The following PDE5A variants were observed in gnomAD, a reference collection of about 807,000 sequenced individuals.
PDE5A encodes cGMP-specific 3',5'-cyclic phosphodiesterase.
Under a neutral mutation model 110.2 loss-of-function variants are expected in PDE5A, and 67 were observed. The observed-to-expected ratio is 0.61, with a 90% CI of 0.50 to 0.75. The LOEUF is 0.75. Ranked by LOEUF, PDE5A falls within the 30% of genes least tolerant of loss-of-function variation. PDE5A has a pLI of 0.00. For synonymous variants in PDE5A, 328 were observed against 351.2 expected, an observed-to-expected ratio of 0.93 and a Z score of 0.74; for missense variants, 862 against 1,045.1, an observed-to-expected ratio of 0.82 and a Z score of 2.42.
intron 8 of PDE5A, among the ~76,000 whole-genome samples, chr4:119,553,095 T>C (rs1371052829): frequency 6.6e-6 from 1 of 151,962 alleles, no homozygotes; most frequent in African/African-American, 2.4e-5. Context: ...AACACCCAAA[T>C]AACAAAATCA....
intron 12 of PDE5A, among the ~76,000 whole-genome samples, chr4:119,524,791 A>G (rs577979471): frequency 3.9e-5 from 6 of 152,240 alleles, no homozygotes; most frequent in Admixed American, 2.0e-4. Flanking sequence ...TTTTTTTTAA[A>G]TAGTCCTTTC....
chr4:119,511,474 T>A (rs1412097375), intron 14 of PDE5A, among the ~76,000 whole-genome samples: 1 of 152,172 alleles, frequency 6.6e-6, no homozygotes, highest in Admixed American at 6.6e-5. Context: ...GTACCAATTA[T>A]ATTTTTCAAT....
chr4:119,548,792 A>G (rs1258777650), intron 9 of PDE5A: 1 of 152,074 alleles, frequency 6.6e-6, no homozygotes, highest in East Asian at 1.9e-4. Flanking sequence ...TCTTCCACCT[A>G]TTACTGCCCT....
intron 3 of PDE5A, among the ~76,000 whole-genome samples, chr4:119,575,485 C>T (rs1249950418): frequency 1.3e-5 from 2 of 152,228 alleles, no homozygotes; most frequent in Non-Finnish European, 2.9e-5. Context: ...AACAGCTGAT[C>T]TCTCAGCAGA....
chr4:119,539,678 G>T (rs541947249), intron 10 of PDE5A, among the ~76,000 whole-genome samples: 8 of 152,248 alleles, frequency 5.3e-5, no homozygotes, highest in South Asian at 2.1e-4. Flanking sequence ...CACACCTAGT[G>T]AGAGGACAAG....
chr4:119,621,016 T>C (rs1398027863), intron 1 of PDE5A, among the ~76,000 whole-genome samples: 3 of 152,246 alleles, frequency 2.0e-5, no homozygotes, highest in African/African-American at 7.2e-5. Context: ...AGTGTTTTAA[T>C]GAATGCTGTA....
chr4:119,573,404 G>T (rs926279419), intron 3 of PDE5A, among the ~76,000 whole-genome samples: 24 of 152,142 alleles, frequency 1.6e-4, no homozygotes, highest in Middle Eastern at 3.4e-3. Context: ...TCTCATTGTT[G>T]CTTTAATTTG....
chr4:119,617,798 A>G (rs1729993140), intron 1 of PDE5A, among the ~76,000 whole-genome samples: 1 of 152,172 alleles, frequency 6.6e-6, no homozygotes, highest in African/African-American at 2.4e-5. Context: ...TTCTAATGCT[A>G]AAAAGATAAT....
intron 16 of PDE5A, among the ~76,000 whole-genome samples, chr4:119,506,367 G>C (rs535495002): frequency 6.6e-6 from 1 of 151,844 alleles, no homozygotes; most frequent in Non-Finnish European, 1.5e-5. Context: ...AGTAAACAAA[G>C]ACTAGGTAAA....
intron 11 of PDE5A, among the ~76,000 whole-genome samples, chr4:119,533,892 T>TA (rs975417906): frequency 1.1e-4 from 17 of 151,740 alleles, no homozygotes; most frequent in African/African-American, 3.9e-4. Context: ...GAGTTCCAAA[T>TA]AAAAAAAATG....
chr4:119,516,243 C>A (rs1386697920), intron 14 of PDE5A, among the ~76,000 whole-genome samples: 1 of 152,210 alleles, frequency 6.6e-6, no homozygotes, highest in Non-Finnish European at 1.5e-5. Flanking sequence ...TAACTCAGGA[C>A]TAGATACTTT....
Position 119,507,304 on chromosome 4 carries a change from A to G in PDE5A, c.2189+300T>C, listed in dbSNP as rs563031853. 2.6e-5 allele frequency among the ~76,000 whole-genome samples: 4 copies of G among 152,064 alleles called. No homozygotes were observed. The East Asian group carries it at 5.8e-4, about 22-fold the overall frequency. On this transcript the variant is annotated intron_variant, in intron 16 of 20. Coordinates refer to ENST00000354960, the MANE Select transcript of PDE5A (RefSeq NM_001083.4). ...GGAAAGGAGGAAAAGCAAATGATCTATATAATCTTTGGACAACATGGCTTG... is the reference window on the plus strand; with the variant it reads ...GGAAAGGAGGAAAAGCAAATGATCTGTATAATCTTTGGACAACATGGCTTG...
chr4:119,526,196 C>T (rs1309093409), intron 11 of PDE5A, among the ~76,000 whole-genome samples: 2 of 152,068 alleles, frequency 1.3e-5, no homozygotes, highest in African/African-American at 4.8e-5. Context: ...GGAACTTAAG[C>T]ACAAAGAGGT....
intron 3 of PDE5A, among the ~76,000 whole-genome samples, chr4:119,577,928 C>A (rs1324952276): frequency 6.6e-6 from 1 of 152,118 alleles, no homozygotes; most frequent in Admixed American, 6.5e-5. Context: ...GATTATGTAT[C>A]TAGAAAACCC....
At chr4:119,622,797 C>G (rs1034026605) in intron 1 of PDE5A, among the ~76,000 whole-genome samples, 1 of 136,986 alleles carries the variant, frequency 7.3e-6, no homozygotes. Context: ...GGCGTAAACT[C>G]GGCTTGCAAT....
intron 3 of PDE5A, among the ~76,000 whole-genome samples, chr4:119,588,228 G>A (rs920211672): frequency 1.4e-5 from 2 of 145,694 alleles, no homozygotes; most frequent in Non-Finnish European, 3.0e-5. Context: ...AGGCTGGAGT[G>A]CACTGGCACG....
At chr4:119,613,877 C>G (rs1729842600) in intron 1 of PDE5A, among the ~76,000 whole-genome samples, 1 of 151,984 alleles carries the variant, frequency 6.6e-6, no homozygotes. Flanking sequence ...GGTGGCAACA[C>G]CAGGAATCAA....
intron 20 of PDE5A, 74 bp from the exon 21 acceptor site, chr4:119,498,812 AG>A (rs1306496568): frequency 6.7e-7 from 1 of 1,500,624 alleles, no homozygotes; most frequent in African/African-American, 1.4e-5. Context: ...CCTGTTACAA[AG>A]GGCCACATCC....
rs1578743467 is a variant in PDE5A at position 119,525,497 on chromosome 4, T to C, written c.1779+52A>G. The C allele has an allele frequency of 1.3e-6, 2 of 1,527,628 alleles. No homozygotes were observed. Among genetic ancestry groups the C allele is most frequent in the South Asian group, 1.2e-5 (1 of 80,640 alleles). 94.6% of individuals were successfully genotyped at this position (1,527,628 alleles called of 1,614,324 possible). On this transcript the variant is annotated intron_variant, in intron 12 of 20. Transcript: ENST00000354960. This position sits in a 1 kb window ranked among gnomAD's most constrained non-coding sequence, Gnocchi z 4.3. The stretch of plus-strand genomic sequence containing the variant: ...TTCAAAACCAATTCTCTCTCTTACA[T>C]ACACACACACATACACATAGACTTT...
Sources: gnomAD v4.1 joint callset for allele counts (sites outside exome capture counted in the v4.1 genomes callset) on GRCh38, gnomAD v4.1.1 for gene constraint, Gnocchi (gnomAD v3.1) non-coding constraint, MANE v1.5 for transcripts, NCBI Gene and HGNC (gene_info 2026-07-23, HGNC 2026-07-21) for gene names.